The following SSBP2 variants were observed in gnomAD, a reference collection of about 807,000 sequenced individuals.
The protein encoded by SSBP2 is single-stranded DNA-binding protein 2.
Under a neutral mutation model 61.8 loss-of-function variants are expected in SSBP2, and 17 were observed. That is an observed-to-expected ratio of 0.28 (90% CI 0.19 to 0.41). The LOEUF is 0.41. Ranked by LOEUF, SSBP2 falls within the 10% of genes least tolerant of loss-of-function variation. The pLI is 1.00. For missense variants in SSBP2, 310 were observed against 458.7 expected, an observed-to-expected ratio of 0.68 and a Z score of 2.96; for synonymous variants, 139 against 141.3, an observed-to-expected ratio of 0.98 and a Z score of 0.12.
chr5:81,493,748 T>C, intron 5 of SSBP2, among the ~76,000 whole-genome samples: 1 of 147,778 alleles, frequency 6.8e-6, no homozygotes, highest in Non-Finnish European at 1.5e-5. Flanking sequence ...AGGGTGAGAC[T>C]CCATCTCAAA....
At chr5:81,750,855 C>A in intron 1 of SSBP2, 126 bp downstream of exon 1, 2 of 1,059,214 alleles carry the variant, frequency 1.9e-6, no homozygotes. Flanking sequence ...CGGCACCCCT[C>A]CCCCTGCCAG....
At chr5:81,481,016 G>A (rs979273110) in intron 6 of SSBP2, among the ~76,000 whole-genome samples, 1 of 152,220 alleles carries the variant, frequency 6.6e-6, no homozygotes, top group South Asian at 2.1e-4. Context: ...GTTTTATTAT[G>A]AGAGTGTGGC....
At chr5:81,432,191 G>T (rs2153925933) in intron 15 of SSBP2, among the ~76,000 whole-genome samples, 1 of 152,192 alleles carries the variant, frequency 6.6e-6, no homozygotes, top group African/African-American at 2.4e-5. Flanking sequence ...AAATGAGCTA[G>T]AACTCAGGTC....
intron 7 of SSBP2, 113 bp from the exon 8 acceptor site, chr5:81,473,883 T>C (rs1765417455): frequency 3.2e-6 from 3 of 924,638 alleles, no homozygotes; most frequent in East Asian, 2.5e-5. Context: ...GTCTGAGTAC[T>C]GACACCATCT....
chr5:81,628,223 G>A (rs1269778995), intron 3 of SSBP2, among the ~76,000 whole-genome samples: 1 of 152,174 alleles, frequency 6.6e-6, no homozygotes, highest in Non-Finnish European at 1.5e-5. Context: ...CATGGCGACA[G>A]CATGGAGAAG....
At chr5:81,433,083 G>A (rs1471331118) in intron 15 of SSBP2, among the ~76,000 whole-genome samples, 1 of 152,038 alleles carries the variant, frequency 6.6e-6, no homozygotes, top group Non-Finnish European at 1.5e-5. Context: ...CCCTCTGCCT[G>A]GCCACCACCC....
intron 4 of SSBP2, among the ~76,000 whole-genome samples, chr5:81,601,591 C>T (rs1744366765): frequency 6.6e-6 from 1 of 152,104 alleles, no homozygotes; most frequent in Non-Finnish European, 1.5e-5. Context: ...TTATTTCTTA[C>T]AACTGCATGT....
intron 1 of SSBP2, among the ~76,000 whole-genome samples, chr5:81,736,052 A>C (rs1389780988): frequency 1.3e-5 from 2 of 151,988 alleles, no homozygotes; most frequent in Non-Finnish European, 2.9e-5. Flanking sequence ...CCTCAGGATG[A>C]ATTCATAATT....
At chr5:81,652,296 T>C (rs1220415292) in intron 1 of SSBP2, among the ~76,000 whole-genome samples, 2 of 152,176 alleles carry the variant, frequency 1.3e-5, no homozygotes, top group African/African-American at 2.4e-5. Context: ...GGGGGTAATA[T>C]AGTTAGAAGC....
intron 1 of SSBP2, among the ~76,000 whole-genome samples, chr5:81,657,170 A>C (rs1184550388): frequency 6.6e-6 from 1 of 152,206 alleles, no homozygotes; most frequent in Non-Finnish European, 1.5e-5. Flanking sequence ...AGAAATAAAC[A>C]AGCAATAAAA....
chr5:81,496,400 G>A (rs890070336), intron 5 of SSBP2, among the ~76,000 whole-genome samples: 3 of 152,084 alleles, frequency 2.0e-5, no homozygotes, highest in Admixed American at 6.6e-5. Flanking sequence ...GGTTGGTCTC[G>A]AACTCCTGAC....
intron 1 of SSBP2, among the ~76,000 whole-genome samples, chr5:81,724,785 G>A (rs1353058683): frequency 1.3e-5 from 2 of 152,064 alleles, no homozygotes; most frequent in East Asian, 3.8e-4. Context: ...ATGTTGTGAC[G>A]TGATGATTTA....
At chr5:81,476,428 T>C (rs1032630141) in intron 6 of SSBP2, among the ~76,000 whole-genome samples, 1 of 152,200 alleles carries the variant, frequency 6.6e-6, no homozygotes, top group African/African-American at 2.4e-5. Flanking sequence ...CTATGTCTAT[T>C]CTATCCCTAC....
At chr5:81,734,042 G>T (rs1472737487) in intron 1 of SSBP2, among the ~76,000 whole-genome samples, 1 of 152,150 alleles carries the variant, frequency 6.6e-6, no homozygotes, top group African/African-American at 2.4e-5. Context: ...CTTATTTAAA[G>T]TAAATGGACA....
At chr5:81,697,647 C>T (rs995539327) in intron 1 of SSBP2, among the ~76,000 whole-genome samples, 2 of 152,130 alleles carry the variant, frequency 1.3e-5, no homozygotes, top group Non-Finnish European at 2.9e-5. Context: ...TTTTCTAGAA[C>T]TACTTAGGAC....
chr5:81,636,470 A>C (rs1363973889), intron 3 of SSBP2, 87 bp downstream of exon 3: 2 of 1,080,094 alleles, frequency 1.9e-6, no homozygotes, highest in Non-Finnish European at 2.6e-6. Context: ...AAAAAATAAA[A>C]AGGAAGCATG....
chr5:81,686,866 AAAAAAAGAAAAGAAAAGAAAAGAAAAG>A (rs1752831837), intron 1 of SSBP2, among the ~76,000 whole-genome samples: 2 of 126,000 alleles, frequency 1.6e-5, no homozygotes, highest in African/African-American at 6.5e-5. Context: ...AAAAAAAAAA[AAAAAAAGAAAAGAAAAGAAAAGAAAAG>A]AAAAGAAAAG....
At chr5:81,539,046 C>T (rs947402251) in intron 4 of SSBP2, among the ~76,000 whole-genome samples, 5 of 152,146 alleles carry the variant, frequency 3.3e-5, no homozygotes, top group Non-Finnish European at 5.9e-5. Context: ...GTGAATCCTT[C>T]GATGGGTCTG....
intron 1 of SSBP2, among the ~76,000 whole-genome samples, chr5:81,665,213 T>A (rs1303810752): frequency 6.6e-6 from 1 of 152,216 alleles, no homozygotes; most frequent in African/African-American, 2.4e-5. Flanking sequence ...TTTTTCCACT[T>A]GTTTTTGTCA....
Sources: allele counts gnomAD v4.1 joint callset (sites outside exome capture counted in the v4.1 genomes callset), GRCh38; gene constraint gnomAD v4.1.1; transcripts MANE v1.5; gene names NCBI Gene and HGNC (gene_info 2026-07-23, HGNC 2026-07-21).